Variants in PALLD observed in about 807,000 individuals in gnomAD.
PALLD encodes the protein palladin.
A neutral mutation model predicts 123.5 loss-of-function variants in PALLD; 61 were observed. The ratio of observed to expected loss-of-function variants is 0.49; its 90% CI spans 0.40 to 0.61. The LOEUF is 0.61. PALLD is among the 20% of genes least tolerant of loss of function. The pLI is 0.00. For synonymous variants in PALLD, 465 were observed against 496.4 expected (o/e 0.94, Z 0.84); for missense variants, 1,273 against 1,377.0 (o/e 0.92, Z 1.20).
chr4:168,573,002 T>C (rs1769154463), intron 2 of PALLD, among the ~76,000 whole-genome samples: 1 of 151,246 alleles, frequency 6.6e-6, no homozygotes, highest in African/African-American at 2.4e-5. Context: ...AATCTACAAG[T>C]AAGGCCCAGC....
intron 6 of PALLD, among the ~76,000 whole-genome samples, chr4:168,688,100 C>T (rs1782262487): frequency 6.6e-6 from 1 of 152,152 alleles, no homozygotes; most frequent in African/African-American, 2.4e-5. Context: ...TTGCAGGGTC[C>T]TTCTTAGGCC....
intron 1 of PALLD, among the ~76,000 whole-genome samples, chr4:168,507,000 C>T (rs1485001204): frequency 6.6e-6 from 1 of 152,052 alleles, no homozygotes; most frequent in Non-Finnish European, 1.5e-5. Context: ...TTATGCATTC[C>T]CATGTCTTAA....
At chr4:168,558,505 G>T (rs966175009) in intron 2 of PALLD, among the ~76,000 whole-genome samples, 4 of 152,156 alleles carry the variant, frequency 2.6e-5, no homozygotes, top group African/African-American at 9.7e-5. Context: ...ACAGAAACGT[G>T]CCTGGCAGCA....
intron 3 of PALLD, among the ~76,000 whole-genome samples, chr4:168,674,583 T>G (rs1002557106): frequency 5.3e-5 from 8 of 152,118 alleles, no homozygotes; most frequent in African/African-American, 1.9e-4. Context: ...GCAAGATGTG[T>G]CTGCTGCTGC....
intron 10 of PALLD, among the ~76,000 whole-genome samples, chr4:168,775,427 TTA>T (rs1387072736): frequency 7.2e-5 from 11 of 152,174 alleles, no homozygotes; most frequent in African/African-American, 2.7e-4. Context: ...ATTATAGTAT[TTA>T]TATATTCTAG....
chr4:168,542,763 T>TATATATATATA (rs58803261), intron 2 of PALLD, among the ~76,000 whole-genome samples: 1 of 110,062 alleles, frequency 9.1e-6, no homozygotes. Flanking sequence ...TATATATATA[T>TATATATATATA]GGAGAGAAAG....
chr4:168,756,006 A>G (rs1304516830), intron 10 of PALLD: 1 of 166,354 alleles, frequency 6.0e-6, no homozygotes, highest in East Asian at 1.9e-4. Flanking sequence ...GAAGATGGGA[A>G]TTGGCTGCCA....
At chr4:168,724,799 G>A (rs1253501735) in intron 10 of PALLD, among the ~76,000 whole-genome samples, 1 of 152,192 alleles carries the variant, frequency 6.6e-6, no homozygotes, top group African/African-American at 2.4e-5. Flanking sequence ...AGGTTTCCTG[G>A]TAGGATGATA....
chr4:168,572,329 T>C (rs1005369097), intron 2 of PALLD, among the ~76,000 whole-genome samples: 11 of 152,102 alleles, frequency 7.2e-5, no homozygotes, highest in African/African-American at 2.4e-4. Flanking sequence ...TCCCATGATA[T>C]AGATATATTT....
At position 168,655,688 on chromosome 4, in the gene PALLD, C is replaced by T. The variant is rs1580788436; in HGVS notation, c.909-12502C>T. On this transcript the variant is annotated intron_variant, in intron 2 of 21. Transcript: ENST00000505667. Reference sequence around the variant, plus strand: ...TCCTCTCATTCTCAATCTCTTCTTCCATTCAGTTTTCTCCTCCCATATTCT... The same window carrying T: ...TCCTCTCATTCTCAATCTCTTCTTCTATTCAGTTTTCTCCTCCCATATTCT... 2.6e-5 allele frequency among the ~76,000 whole-genome samples: 4 copies of T among 152,350 alleles called. No individual in the cohort carries two copies. The South Asian group carries it at 6.2e-4, about 24-fold the overall frequency.
intron 2 of PALLD, among the ~76,000 whole-genome samples, chr4:168,575,913 C>T (rs561568688): frequency 6.6e-6 from 1 of 151,998 alleles, no homozygotes; most frequent in African/African-American, 2.4e-5. Context: ...CACAAAATTC[C>T]GTTTCAATTA....
At chr4:168,578,286 C>T (rs1298739368) in intron 2 of PALLD, among the ~76,000 whole-genome samples, 1 of 151,312 alleles carries the variant, frequency 6.6e-6, no homozygotes, top group Non-Finnish European at 1.5e-5. Flanking sequence ...CCCCACCTAA[C>T]GCTCATCTTG....
intron 2 of PALLD, among the ~76,000 whole-genome samples, chr4:168,597,930 T>C (rs60570745): frequency 0.017 from 2,626 of 152,240 alleles, 64 homozygotes; most frequent in African/African-American, 0.059. Context: ...CATGCCAATA[T>C]TTCTGTCAAA....
chr4:168,664,781 A>C (rs892605107), intron 2 of PALLD, among the ~76,000 whole-genome samples: 16 of 152,094 alleles, frequency 1.1e-4, no homozygotes, highest in Admixed American at 2.6e-4. Flanking sequence ...AAAAAAAAAA[A>C]AAAAAACCCT....
intron 2 of PALLD, among the ~76,000 whole-genome samples, chr4:168,604,921 T>C (rs773571549): frequency 7.2e-5 from 11 of 152,234 alleles, no homozygotes; most frequent in Admixed American, 1.3e-4. Context: ...ACTATTACAT[T>C]GGTCAAAGGA....
At chr4:168,835,809 G>A (rs527996946) in intron 10 of PALLD, among the ~76,000 whole-genome samples, 19 of 152,090 alleles carry the variant, frequency 1.2e-4, no homozygotes, top group Middle Eastern at 3.4e-3. Flanking sequence ...AGCGATTCTC[G>A]TGCCTCAGCC....
intron 2 of PALLD, among the ~76,000 whole-genome samples, chr4:168,587,087 C>G (rs1770901596): frequency 6.6e-6 from 1 of 152,114 alleles, no homozygotes; most frequent in Non-Finnish European, 1.5e-5. Context: ...GCTAAACATC[C>G]CACAGTGCCC....
At chr4:168,764,099 A>C (rs1733330260) in intron 10 of PALLD, among the ~76,000 whole-genome samples, 2 of 152,014 alleles carry the variant, frequency 1.3e-5, no homozygotes, top group Admixed American at 1.3e-4. Flanking sequence ...CACTTTAAAG[A>C]AAAAAATTCT....
intron 10 of PALLD, among the ~76,000 whole-genome samples, chr4:168,816,413 AT>A (rs1554088403): frequency 1.4e-4 from 19 of 135,996 alleles, no homozygotes; most frequent in African/African-American, 4.8e-4. Flanking sequence ...ATATATATAT[AT>A]TTTTTTTAAG....
Sources: allele counts gnomAD v4.1 joint callset (sites outside exome capture counted in the v4.1 genomes callset), GRCh38; gene constraint gnomAD v4.1.1; transcripts MANE v1.5; gene names NCBI Gene and HGNC (gene_info 2026-07-23, HGNC 2026-07-21).